SPATA19: variants seen among roughly 807,000 people sequenced by gnomAD.
SPATA19 encodes the protein spermatogenesis associated 19, also known as spermatogenesis-associated protein 19, mitochondrial.
In SPATA19, 19 loss-of-function variants were observed where a neutral mutation model predicts 25.0. That is an observed-to-expected ratio of 0.76 (90% CI 0.53 to 1.11). The LOEUF (loss-of-function observed/expected upper bound fraction) is 1.11. Ranked by LOEUF, SPATA19 falls within the 50% of genes most tolerant of loss-of-function variation. The probability of loss-of-function intolerance (pLI) is 0.00; values close to 1 mark genes in which losing one functional copy is unlikely to be tolerated. For missense variants in SPATA19, 222 were observed against 211.4 expected (o/e 1.05, Z -0.31); for synonymous variants, 64 against 69.3 (o/e 0.92, Z 0.38).
chr11:133,841,908 C>T, intron 6 of SPATA19, 122 bp downstream of exon 6: 1 of 935,998 alleles, frequency 1.1e-6, no homozygotes, highest in South Asian at 1.4e-5. Flanking sequence ...GCCCTGAGTG[C>T]AGGCCCTTCC....
chr11:133,844,756 C>T (rs1314464435), intron 2 of SPATA19, 116 bp from the exon 3 acceptor site: 11 of 1,200,910 alleles, frequency 9.2e-6, no homozygotes, highest in Non-Finnish European at 1.3e-5. Context: ...CACATATTCA[C>T]ACACATACAC....
chr11:133,837,847 A>T (rs1332756937), downstream of SPATA19, among the ~76,000 whole-genome samples: 1 of 152,226 alleles, frequency 6.6e-6, no homozygotes, highest in African/African-American at 2.4e-5. Context: ...TGGTTATATA[A>T]TAACGGGATT....
downstream of SPATA19, among the ~76,000 whole-genome samples, chr11:133,840,290 C>A (rs1419458088): frequency 6.6e-6 from 1 of 152,094 alleles, no homozygotes; most frequent in Non-Finnish European, 1.5e-5. Context: ...TTGCAAGAAA[C>A]CTTAAAAGGA....
downstream of SPATA19, among the ~76,000 whole-genome samples, chr11:133,837,302 G>A (rs955906744): frequency 6.6e-6 from 1 of 152,208 alleles, no homozygotes; most frequent in Non-Finnish European, 1.5e-5. Flanking sequence ...CTGGACAGAA[G>A]ACCAGGCACA....
At chr11:133,844,483 A>C in intron 3 of SPATA19, 26 bp downstream of exon 3, 10 of 1,614,026 alleles carry the variant, frequency 6.2e-6, no homozygotes, top group Non-Finnish European at 8.5e-6. Context: ...CGCTACTCCC[A>C]GGCAAGGTCT....
downstream of SPATA19, among the ~76,000 whole-genome samples, chr11:133,837,261 C>A (rs937002793): frequency 6.6e-6 from 1 of 152,218 alleles, no homozygotes; most frequent in Non-Finnish European, 1.5e-5. Context: ...ACTGGAAAGG[C>A]AGAAAGTTGG....
At chr11:133,843,685 C>A (rs971345398) in intron 4 of SPATA19, among the ~76,000 whole-genome samples, 1 of 152,118 alleles carries the variant, frequency 6.6e-6, no homozygotes. Flanking sequence ...AACACAGGTG[C>A]AGGAAAGGAA....
chr11:133,843,833 T>C (rs998643198), intron 4 of SPATA19, among the ~76,000 whole-genome samples: 1 of 152,216 alleles, frequency 6.6e-6, no homozygotes, highest in Non-Finnish European at 1.5e-5. Context: ...GAAGCCACCA[T>C]AACCGAGTGC....
intron 4 of SPATA19, among the ~76,000 whole-genome samples, chr11:133,843,912 C>T (rs1405928260): frequency 7.2e-5 from 11 of 152,194 alleles, no homozygotes; most frequent in Non-Finnish European, 1.6e-4. Flanking sequence ...TTGGCTTTTG[C>T]ATTTTAAGAG....
At chr11:133,842,974 G>T (rs1242585107) in intron 4 of SPATA19, among the ~76,000 whole-genome samples, 1 of 152,160 alleles carries the variant, frequency 6.6e-6, no homozygotes, top group African/African-American at 2.4e-5. Flanking sequence ...CTACAGCGAG[G>T]AAGCTGTGGG....
rs1257981322 is a variant in SPATA19, at chr11:133,842,016, G to A, written c.*9+14C>T. 1.5e-5 allele frequency: 24 copies of A among 1,611,700 alleles called. No homozygotes were observed. Among genetic ancestry groups the A allele is most frequent in the Middle Eastern group, 1.6e-4 (1 of 6,072 alleles). ...ATCTTCTCTGCCCAGTTCCTCATCCGTCAGCTCTCTCACCTGTTGCTCTCA... is the reference window on the plus strand; with the variant it reads ...ATCTTCTCTGCCCAGTTCCTCATCCATCAGCTCTCTCACCTGTTGCTCTCA... On this transcript the variant is annotated intron_variant, in intron 6 of 6. Coordinates refer to ENST00000299140, the MANE Select transcript of SPATA19 (RefSeq NM_174927.3).
chr11:133,843,948 T>C (rs968575484), intron 4 of SPATA19, among the ~76,000 whole-genome samples: 1 of 152,260 alleles, frequency 6.6e-6, no homozygotes, highest in African/African-American at 2.4e-5. Context: ...CTCTTTAAAG[T>C]GCAGCCACTT....
chr11:133,845,047 T>C (rs1377864885), intron 2 of SPATA19, 87 bp downstream of exon 2: 2 of 1,155,368 alleles, frequency 1.7e-6, no homozygotes, highest in African/African-American at 1.5e-5. Flanking sequence ...TCCAGTTCCA[T>C]GAAGAAGGAA....
intron 6 of SPATA19, 113 bp downstream of exon 6, chr11:133,841,917 C>T: frequency 9.6e-7 from 1 of 1,036,392 alleles, no homozygotes; most frequent in Non-Finnish European, 1.5e-6. Flanking sequence ...GCAGGCCCTT[C>T]CCCAGTAGGG....
At chr11:133,845,348 G>A (rs749796784) in intron 1 of SPATA19, 21 bp downstream of exon 1, 5 of 1,581,378 alleles carry the variant, frequency 3.2e-6, no homozygotes, top group Non-Finnish European at 2.6e-6. Context: ...TATTCCATGT[G>A]ACTACCACCA....
downstream of SPATA19, among the ~76,000 whole-genome samples, chr11:133,839,848 A>C (rs1191018263): frequency 6.6e-6 from 1 of 152,148 alleles, no homozygotes; most frequent in Non-Finnish European, 1.5e-5. Context: ...GAGAATAAAA[A>C]GAGAGAAGAA....
In SPATA19 at chr11:133,844,595, T is replaced by C; in HGVS notation, c.181A>G (p.Asn61Asp). The C allele has an allele frequency of 6.2e-7, 1 of 1,613,670 alleles. No individual in the cohort carries two copies. The highest frequency in any genetic ancestry group is 8.5e-7 in the Non-Finnish European group (1 of 1,179,812). ...TCCCTTACACCCTGGGAAGGGTGGT[T>C]GATGGACAGCTTTTCCTTTATGCCC... ...SRGIKEKLSI[N>D]HPSQGVREKM... The change falls in exon 3 of 7, where the codon AAC (asparagine) becomes GAC (aspartate). Residue 61 changes from asparagine (N) to aspartate (D), a missense_variant. Coordinates refer to ENST00000299140, the MANE Select transcript of SPATA19 (RefSeq NM_174927.3).
chr11:133,844,148 C>A, intron 4 of SPATA19, 98 bp downstream of exon 4: 1 of 990,362 alleles, frequency 1.0e-6, no homozygotes, highest in South Asian at 1.3e-5. Context: ...CAGCCAAAGA[C>A]GACATCTCTA....
At chr11:133,841,402 G>A (rs1171890162) in intron 6 of SPATA19, among the ~76,000 whole-genome samples, 2 of 152,202 alleles carry the variant, frequency 1.3e-5, no homozygotes, top group African/African-American at 4.8e-5. Context: ...TGCTGAGGTC[G>A]CTGTGCCTAA....
Sources: gnomAD v4.1 joint callset for allele counts (sites outside exome capture counted in the v4.1 genomes callset) on GRCh38, gnomAD v4.1.1 for gene constraint, MANE v1.5 for transcripts, NCBI Gene and HGNC (gene_info 2026-07-23, HGNC 2026-07-21) for gene names.